Variants in SESTD1 observed in about 807,000 individuals in gnomAD.
SESTD1 encodes SEC14 and spectrin domain containing 1.
In SESTD1, 43 loss-of-function variants were observed where a neutral mutation model predicts 101.7. That is an observed-to-expected ratio of 0.42 (90% CI 0.33 to 0.55). SESTD1 has a LOEUF of 0.55. SESTD1 is among the 20% of genes least tolerant of loss of function. The pLI is 0.07. For synonymous variants in SESTD1, 283 were observed against 286.8 expected (o/e 0.99, Z 0.13); for missense variants, 647 against 815.1 (o/e 0.79, Z 2.51).
At position 179,196,898 on chromosome 2, in the gene SESTD1, C is replaced by T. The variant is rs573597918; in HGVS notation, c.-25-5032G>A. Among the ~76,000 whole-genome samples the T allele has an allele frequency of 1.1e-4, 17 of 152,300 alleles. 1 individual carries two copies. Among genetic ancestry groups the T allele is most frequent in the African/African-American group, 3.6e-4 (15 of 41,566 alleles). ...AAACGGGAAACTCTGAAAAGCAGAG[C>T]GCCTCTCCTCCTCCAAAGGAACGCA... On this transcript the variant is annotated intron_variant, in intron 1 of 17. Transcript: ENST00000428443.
intron 1 of SESTD1, among the ~76,000 whole-genome samples, chr2:179,229,681 CGAAAAA>C (rs941505729): frequency 1.4e-5 from 2 of 143,748 alleles, no homozygotes; most frequent in East Asian, 2.0e-4. Flanking sequence ...AAAAAAGAAA[CGAAAAA>C]GAAAGTTTCA....
intron 13 of SESTD1, among the ~76,000 whole-genome samples, chr2:179,118,869 A>G (rs566182913): frequency 1.3e-5 from 2 of 152,336 alleles, no homozygotes; most frequent in South Asian, 4.1e-4. Flanking sequence ...GCAAGTGACT[A>G]ACTTGCCTTA....
rs758552680 is a variant in SESTD1, at chr2:179,215,228, T to C, written c.-25-23362A>G. Among the ~76,000 whole-genome samples, 30 of 134,030 alleles carry C rather than the reference T, an allele frequency of 2.2e-4. 6 individuals are homozygous for C. The highest frequency in any genetic ancestry group is 4.2e-4 in the Non-Finnish European group (26 of 62,514). The allele number at this position is 134,030 out of a possible 152,430, so 87.9% of individuals were successfully genotyped here. On this transcript the variant is annotated intron_variant, in intron 1 of 17. Transcript: ENST00000428443. ...TGGTTTTTTGAAAAGATCAACAAAA[T>C]TGATAGACCACTAGCAAGATTAATA... is the stretch of plus-strand genomic sequence containing the variant.
chr2:179,185,022 T>C (rs1281870860), intron 2 of SESTD1, among the ~76,000 whole-genome samples: 3 of 152,086 alleles, frequency 2.0e-5, no homozygotes, highest in African/African-American at 7.2e-5. Context: ...AAAAATGTCA[T>C]GGTAAAGATT....
intron 1 of SESTD1, among the ~76,000 whole-genome samples, chr2:179,210,120 C>T (rs2046632959): frequency 7.5e-6 from 1 of 133,036 alleles, no homozygotes; most frequent in Non-Finnish European, 1.6e-5. Context: ...AAATATACAA[C>T]CCTCCTAGAT....
intron 1 of SESTD1, among the ~76,000 whole-genome samples, chr2:179,239,234 AT>A (rs889482493): frequency 9.2e-5 from 14 of 151,850 alleles, no homozygotes; most frequent in Admixed American, 3.9e-4. Flanking sequence ...TGAATAGAGA[AT>A]TTTTTTTTAA....
chr2:179,259,901 G>T (rs1186246076), intron 1 of SESTD1, among the ~76,000 whole-genome samples: 1 of 152,148 alleles, frequency 6.6e-6, no homozygotes, highest in African/African-American at 2.4e-5. Flanking sequence ...TTTAGTCAAT[G>T]ATTTTACCTA....
intron 6 of SESTD1, 99 bp from the exon 7 acceptor site, chr2:179,149,493 A>G (rs1236007081): frequency 1.3e-5 from 10 of 752,848 alleles, no homozygotes; most frequent in Admixed American, 7.5e-5. Context: ...CAGCTAGGAT[A>G]TGTTTTCCTT....
chr2:179,169,922 C>T (rs1008025641), intron 5 of SESTD1, among the ~76,000 whole-genome samples: 8 of 148,964 alleles, frequency 5.4e-5, no homozygotes, highest in African/African-American at 7.4e-5. Context: ...TGCAGTGAGC[C>T]GAGGTTGCAC....
At chr2:179,240,756 A>G (rs1005255533) in intron 1 of SESTD1, among the ~76,000 whole-genome samples, 5 of 152,180 alleles carry the variant, frequency 3.3e-5, no homozygotes, top group African/African-American at 1.2e-4. Flanking sequence ...AAGGAGGCAT[A>G]TAACACCCCT....
At chr2:179,232,731 G>A (rs2047005138) in intron 1 of SESTD1, among the ~76,000 whole-genome samples, 1 of 152,094 alleles carries the variant, frequency 6.6e-6, no homozygotes, top group Non-Finnish European at 1.5e-5. Flanking sequence ...TAGATATCCA[G>A]TATATACTGT....
intron 16 of SESTD1, 129 bp downstream of exon 16, chr2:179,114,936 C>T (rs2044594710): frequency 1.2e-6 from 1 of 800,740 alleles, no homozygotes. Flanking sequence ...TCTAAACAAA[C>T]CGTAACAACG....
chr2:179,233,105 T>A (rs1290535675), intron 1 of SESTD1, among the ~76,000 whole-genome samples: 6 of 152,202 alleles, frequency 3.9e-5, no homozygotes. Context: ...CTATTGGTAT[T>A]TCAAATGACT....
chr2:179,118,591 A>G (rs956829121), intron 13 of SESTD1, among the ~76,000 whole-genome samples: 2 of 152,232 alleles, frequency 1.3e-5, no homozygotes, highest in African/African-American at 4.8e-5. Flanking sequence ...AATAAAAGCT[A>G]TAACATGACA....
chr2:179,106,363 T>G lies in SESTD1; in HGVS notation c.*3536A>C, dbSNP rs2008989. On this transcript the variant is annotated 3_prime_UTR_variant, in exon 18 of 18. Transcript: ENST00000428443. ...TTTGGGTAGGATGTGAGAAGGGGAG[T>G]AGTACATAATAATGCCCAATCTCTA... 69,928 of 151,876 alleles carry G rather than the reference T, an allele frequency of 0.46. 19,176 individuals are homozygous for G. The highest frequency in any genetic ancestry group is 0.77 in the African/African-American group (32,101 of 41,446). The allele number at this position is 151,876 out of a possible 1,614,324, so 9.4% of individuals were successfully genotyped here.
At chr2:179,210,762 G>A (rs2046640684) in intron 1 of SESTD1, among the ~76,000 whole-genome samples, 3 of 134,308 alleles carry the variant, frequency 2.2e-5, no homozygotes, top group Admixed American at 2.2e-4. Context: ...CATTCCCCCT[G>A]AGAATTGGAA....
Position 179,214,342 on chromosome 2 carries a change from T to TG in SESTD1, c.-25-22477_-25-22476insC, listed in dbSNP as rs777288930. ...CAAAGGTTGAAATCCTAGTCTCTGATAAAACAGACTTTAAACCAACAAAGA... is the reference window on the plus strand; with the variant it reads ...CAAAGGTTGAAATCCTAGTCTCTGATGAAAACAGACTTTAAACCAACAAAGA... On this transcript the variant is annotated intron_variant, in intron 1 of 17. Transcript: ENST00000428443. Among the ~76,000 whole-genome samples the TG allele has an allele frequency of 2.8e-4, 37 of 133,880 alleles. 8 individuals carry two copies. Among genetic ancestry groups the TG allele is most frequent in the Non-Finnish European group, 4.2e-4 (26 of 62,506 alleles). The allele number at this position is 133,880 out of a possible 152,430, so 87.8% of individuals were successfully genotyped here.
chr2:179,220,010 A>C (rs1228037130), intron 1 of SESTD1, among the ~76,000 whole-genome samples: 1 of 152,210 alleles, frequency 6.6e-6, no homozygotes, highest in Non-Finnish European at 1.5e-5. Flanking sequence ...AGTTTTCTAT[A>C]AAACTACTGC....
rs947967033 is a variant in SESTD1, at chr2:179,221,919, C to CA, written c.-25-30054dup. On this transcript the variant is annotated intron_variant, in intron 1 of 17. Transcript: ENST00000428443. Reference sequence around the variant, plus strand: ...TGGGTGACGGAGTTAGACCCTGTCTCAAAAAAAAAAATTAAAAAACAAAAA... The same window carrying CA: ...TGGGTGACGGAGTTAGACCCTGTCTCAAAAAAAAAAAATTAAAAAACAAAAA... Among the ~76,000 whole-genome samples the CA allele has an allele frequency of 1.5e-3, 211 of 142,790 alleles. 2 individuals carry two copies. The highest frequency in any genetic ancestry group is 3.7e-3 in the African/African-American group (145 of 38,920). 93.7% of individuals were successfully genotyped at this position (142,790 alleles called of 152,430 possible).
Sources: gnomAD v4.1 joint callset for allele counts (sites outside exome capture counted in the v4.1 genomes callset) on GRCh38, gnomAD v4.1.1 for gene constraint, MANE v1.5 for transcripts, NCBI Gene and HGNC (gene_info 2026-07-23, HGNC 2026-07-21) for gene names.